The following CREB3L2 variants were observed in gnomAD, a reference collection of about 807,000 sequenced individuals.
CREB3L2 encodes cyclic AMP-responsive element-binding protein 3-like protein 2.
CREB3L2 carries 23 observed loss-of-function variants against 57.2 expected under a neutral mutation model. The observed-to-expected ratio is 0.40, with a 90% CI of 0.29 to 0.57. CREB3L2 has a LOEUF of 0.57. Among genes scored for constraint, CREB3L2 ranks in the 20% least tolerant of loss-of-function variants. The pLI is 0.42. For synonymous variants in CREB3L2, 268 were observed against 265.1 expected, an observed-to-expected ratio of 1.01 and a Z score of -0.11; for missense variants, 628 against 634.7, an observed-to-expected ratio of 0.99 and a Z score of 0.11.
rs934721619 is a variant in CREB3L2 at position 137,980,416 on chromosome 7, G to A, written c.102+21188C>T. On this transcript the variant is annotated intron_variant, in intron 1 of 11. Transcript: ENST00000330387. This position sits in a 1 kb window ranked among gnomAD's most constrained non-coding sequence, Gnocchi z 4.3. Reference sequence around the variant, plus strand: ...GGAGCTTCATTGTTCCAGTGGGTTCGCCTGGCCTGGGGCAGCTCAGGAGAG... The same window carrying A: ...GGAGCTTCATTGTTCCAGTGGGTTCACCTGGCCTGGGGCAGCTCAGGAGAG... 2.0e-5 allele frequency among the ~76,000 whole-genome samples: 3 copies of A among 152,206 alleles called. No individual in the cohort carries two copies. Among genetic ancestry groups the A allele is most frequent in the African/African-American group, 4.8e-5 (2 of 41,442 alleles).
intron 8 of CREB3L2, among the ~76,000 whole-genome samples, chr7:137,891,191 C>T (rs1204700866): frequency 6.6e-6 from 1 of 152,158 alleles, no homozygotes; most frequent in Non-Finnish European, 1.5e-5. Flanking sequence ...TCATGCAGTT[C>T]CTTGCAAAAG....
chr7:137,908,078 AG>A (rs1332659590), intron 5 of CREB3L2, among the ~76,000 whole-genome samples, 173 bp downstream of exon 5: 1 of 152,260 alleles, frequency 6.6e-6, no homozygotes, highest in African/African-American at 2.4e-5. Flanking sequence ...ATGTGCGGGC[AG>A]TTCCTAGAAA....
rs1585666994 is a variant in CREB3L2 at position 137,970,661 on chromosome 7, A to G, written c.102+30943T>C. 3.9e-5 allele frequency among the ~76,000 whole-genome samples: 6 copies of G among 152,370 alleles called. No individual in the cohort carries two copies. The South Asian group carries it at 1.0e-3, about 26-fold the overall frequency. ...TCAAAACAGATTCCTTCTTTTGGCCAGAAAAGCTCAGGTCAAGGAACTGAA... is the reference window on the plus strand; with the variant it reads ...TCAAAACAGATTCCTTCTTTTGGCCGGAAAAGCTCAGGTCAAGGAACTGAA... On this transcript the variant is annotated intron_variant, in intron 1 of 11. Transcript: ENST00000330387.
chr7:137,920,066 T>C (rs2117225882), intron 2 of CREB3L2, among the ~76,000 whole-genome samples: 1 of 152,280 alleles, frequency 6.6e-6, no homozygotes, highest in South Asian at 2.1e-4. Flanking sequence ...TTAGAAGCCC[T>C]TGACTCAGTA....
chr7:137,894,690 T>C (rs1799589285), intron 8 of CREB3L2, among the ~76,000 whole-genome samples: 1 of 152,178 alleles, frequency 6.6e-6, no homozygotes, highest in African/African-American at 2.4e-5. Context: ...ATGCATCCCC[T>C]TGGTCCTGCC....
chr7:137,997,017 C>T (rs1398424399), intron 1 of CREB3L2, among the ~76,000 whole-genome samples: 1 of 152,174 alleles, frequency 6.6e-6, no homozygotes, highest in Non-Finnish European at 1.5e-5. Flanking sequence ...TGATGTTTAT[C>T]ATGGGCAAAC....
intron 1 of CREB3L2, among the ~76,000 whole-genome samples, chr7:137,972,382 G>A (rs192602282): frequency 9.7e-4 from 147 of 151,984 alleles, no homozygotes; most frequent in Middle Eastern, 3.4e-3. Flanking sequence ...AGGTTGCAGC[G>A]AGCCAAGATC....
rs1799180573 is a variant in CREB3L2, at chr7:137,877,371, C to T, written c.*3105G>A. On this transcript the variant is annotated 3_prime_UTR_variant, in exon 12 of 12. Transcript: ENST00000330387. ...AAAAAGAGCAACCTAGTTCAGCTGTCGGATTTTTATATAACACTCTCTTTA... is the reference window on the plus strand; with the variant it reads ...AAAAAGAGCAACCTAGTTCAGCTGTTGGATTTTTATATAACACTCTCTTTA... 1 of 226,360 alleles carries T rather than the reference C, an allele frequency of 4.4e-6. No homozygotes were observed. Among genetic ancestry groups the T allele is most frequent in the Non-Finnish European group, 8.8e-6 (1 of 113,794 alleles). 14.0% of individuals were successfully genotyped at this position (226,360 alleles called of 1,614,324 possible). A position where few individuals can be genotyped will look rare whatever the true frequency, so the allele number is the denominator to read the frequency against.
chr7:137,983,992 T>A (rs1801753339), intron 1 of CREB3L2, among the ~76,000 whole-genome samples: 1 of 152,058 alleles, frequency 6.6e-6, no homozygotes, highest in Non-Finnish European at 1.5e-5. Context: ...CCAGGCACAG[T>A]TTGGGGATCA....
At chr7:137,973,531 A>T (rs568586045) in intron 1 of CREB3L2, among the ~76,000 whole-genome samples, 1 of 152,344 alleles carries the variant, frequency 6.6e-6, no homozygotes, top group South Asian at 2.1e-4. Context: ...AGTAGCAAAA[A>T]GGTAACAAGA....
rs545790049 is a variant in CREB3L2 at position 137,880,630 on chromosome 7, A to G, written c.1488-79T>C. ...ATTCTCATGCTTTGTAGCGTGATGC[A>G]ATCATTCAGGGGTTGCAACTTGGTG... On this transcript the variant is annotated intron_variant, in intron 11 of 11. Coordinates refer to ENST00000330387, the MANE Select transcript of CREB3L2 (RefSeq NM_194071.4). The surrounding 1 kb of genome is among the most constrained non-coding windows in gnomAD (Gnocchi z 4.0). 1.3e-5 allele frequency: 15 copies of G among 1,178,450 alleles called. 1 individual carries two copies. In the South Asian group the frequency reaches 1.8e-4, roughly 14 times the overall value. The allele number at this position is 1,178,450 out of a possible 1,614,324, so 73.0% of individuals were successfully genotyped here.
chr7:137,967,407 A>T (rs1185151243), intron 1 of CREB3L2, among the ~76,000 whole-genome samples: 1 of 152,178 alleles, frequency 6.6e-6, no homozygotes, highest in Non-Finnish European at 1.5e-5. Flanking sequence ...CCAAGGACTC[A>T]GGAAGAAAAG....
chr7:137,960,559 G>T (rs1426946839), intron 1 of CREB3L2, among the ~76,000 whole-genome samples: 1 of 152,100 alleles, frequency 6.6e-6, no homozygotes, highest in Non-Finnish European at 1.5e-5. Flanking sequence ...AACAGTTAGG[G>T]TCAGTGGGAT....
chr7:137,912,081 A>T (rs1800017725), intron 4 of CREB3L2, among the ~76,000 whole-genome samples: 1 of 152,096 alleles, frequency 6.6e-6, no homozygotes, highest in African/African-American at 2.4e-5. Context: ...TAAATATAGA[A>T]ATATAACAAC....
At chr7:137,944,448 G>A (rs28655992) in intron 1 of CREB3L2, among the ~76,000 whole-genome samples, 1,581 of 152,296 alleles carry the variant, frequency 0.01, 33 homozygotes, top group African/African-American at 0.036. Flanking sequence ...AACCGACCAC[G>A]GAAAAAGTAA....
intron 8 of CREB3L2, among the ~76,000 whole-genome samples, chr7:137,894,110 G>C (rs928954342): frequency 2.0e-5 from 3 of 152,202 alleles, no homozygotes; most frequent in African/African-American, 4.8e-5. Context: ...GCTCTTTTAT[G>C]ATGGGCCACC....
intron 1 of CREB3L2, among the ~76,000 whole-genome samples, chr7:137,985,892 T>C (rs1801784680): frequency 6.6e-6 from 1 of 152,232 alleles, no homozygotes; most frequent in African/African-American, 2.4e-5. Flanking sequence ...TTTCCCTAAA[T>C]GCCTTTCACA....
intron 1 of CREB3L2, among the ~76,000 whole-genome samples, chr7:137,982,458 A>G (rs1281367859): frequency 1.3e-5 from 2 of 152,110 alleles, no homozygotes; most frequent in African/African-American, 4.8e-5. Flanking sequence ...TAGCTCCCGC[A>G]GTTCCCATGT....
chr7:137,973,597 G>C (rs28538593), intron 1 of CREB3L2, among the ~76,000 whole-genome samples: 20,164 of 152,204 alleles, frequency 0.13, 1,611 homozygotes, highest in Admixed American at 0.25. Flanking sequence ...CAAGATCACA[G>C]TTAGTAAGCC....
Sources: gnomAD v4.1 joint callset for allele counts (sites outside exome capture counted in the v4.1 genomes callset) on GRCh38, gnomAD v4.1.1 for gene constraint, Gnocchi (gnomAD v3.1) non-coding constraint, MANE v1.5 for transcripts, NCBI Gene and HGNC (gene_info 2026-07-23, HGNC 2026-07-21) for gene names.